The following FBXW10B variants were observed in gnomAD, a reference collection of about 807,000 sequenced individuals.
The protein encoded by FBXW10B is F-box and WD repeat domain containing 10B.
chr17:15,584,320 T>G, the FBXW10B span, among the ~76,000 whole-genome samples: 9 of 152,324 alleles, frequency 5.9e-5, no homozygotes, highest in Non-Finnish European at 1.3e-4. Flanking sequence ...CTGGGGAAAT[T>G]ATTAAGATAT....
At chr17:15,596,689 C>T in the FBXW10B span, 276 of 1,607,812 alleles carry the variant, frequency 1.7e-4, 1 homozygote, top group African/African-American at 3.6e-3. Flanking sequence ...CAGAGGAAGA[C>T]ATGGGAGTGG....
At chr17:15,596,583 G>C in the FBXW10B span, 1 of 1,611,746 alleles carries the variant, frequency 6.2e-7, no homozygotes, top group Non-Finnish European at 8.5e-7. Context: ...TCACAATGTA[G>C]GTATCATTGA....
At chr17:15,612,343 T>TAA in the FBXW10B span, among the ~76,000 whole-genome samples, 26 of 144,512 alleles carry the variant, frequency 1.8e-4, no homozygotes, top group African/African-American at 5.3e-4. Flanking sequence ...CCGCCTCTAC[T>TAA]AAAAAAAAAA....
chr17:15,595,078 A>C, the FBXW10B span: 3 of 358,684 alleles, frequency 8.4e-6, no homozygotes, highest in African/African-American at 6.7e-5. Context: ...GCGGTGGCTC[A>C]TGCCTGTAAT....
At chr17:15,584,870 C>A in the FBXW10B span, among the ~76,000 whole-genome samples, 1 of 152,168 alleles carries the variant, frequency 6.6e-6, no homozygotes, top group South Asian at 2.1e-4. Context: ...AAATTAAATT[C>A]ATGTGTGCTC....
At chr17:15,605,679 T>C in the FBXW10B span, among the ~76,000 whole-genome samples, 1 of 152,164 alleles carries the variant, frequency 6.6e-6, no homozygotes, top group Admixed American at 6.5e-5. Flanking sequence ...ATTCTGTAAA[T>C]GTATGCTAAA....
chr17:15,605,551 G>A, the FBXW10B span: 1 of 1,442,124 alleles, frequency 6.9e-7, no homozygotes, highest in Admixed American at 2.5e-5. Context: ...CAACAAGGGA[G>A]GCAGCAGAAG....
chr17:15,604,201 CCA>C, the FBXW10B span, among the ~76,000 whole-genome samples: 1 of 151,858 alleles, frequency 6.6e-6, no homozygotes, highest in African/African-American at 2.4e-5. Flanking sequence ...TTAATTACTG[CCA>C]CCTGCATCAT....
the FBXW10B span, chr17:15,619,480 G>A: frequency 1.2e-6 from 2 of 1,613,404 alleles, no homozygotes; most frequent in Non-Finnish European, 1.7e-6. Flanking sequence ...GAAAATAGGG[G>A]GCATTCTTGA....
the FBXW10B span, chr17:15,612,842 A>C: frequency 2.3e-5 from 37 of 1,603,548 alleles, no homozygotes; most frequent in Middle Eastern, 6.6e-4. Flanking sequence ...ACAAAAAAAA[A>C]CCAAAAATAA....
the FBXW10B span, among the ~76,000 whole-genome samples, chr17:15,608,316 C>G: frequency 4.0e-5 from 6 of 148,402 alleles, no homozygotes; most frequent in Non-Finnish European, 4.5e-5. Context: ...CGTGCACCAC[C>G]ATGCCCAGCT....
At chr17:15,583,590 C>A in the FBXW10B span, among the ~76,000 whole-genome samples, 33 of 150,176 alleles carry the variant, frequency 2.2e-4, no homozygotes, top group East Asian at 6.0e-3. Context: ...TGCTTTTAAG[C>A]CCACAGGAAG....
the FBXW10B span, among the ~76,000 whole-genome samples, chr17:15,582,793 G>C: frequency 8.5e-5 from 13 of 152,110 alleles, no homozygotes; most frequent in African/African-American, 2.9e-4. Flanking sequence ...CATGTCATTA[G>C]ACCAAAGAGC....
At chr17:15,610,426 C>T in the FBXW10B span, among the ~76,000 whole-genome samples, 2 of 152,156 alleles carry the variant, frequency 1.3e-5, no homozygotes, top group Non-Finnish European at 2.9e-5. Context: ...TCTGCAGCTG[C>T]AGGCATACCC....
chr17:15,613,512 G>A, the FBXW10B span: 7 of 905,216 alleles, frequency 7.7e-6, no homozygotes, highest in African/African-American at 1.5e-4. Context: ...ATGTAGAGGA[G>A]GAGGCCAGCT....
At chr17:15,614,351 A>G in the FBXW10B span, among the ~76,000 whole-genome samples, 23 of 150,844 alleles carry the variant, frequency 1.5e-4, no homozygotes, top group East Asian at 2.7e-3. Context: ...ACCACGCCCG[A>G]CTAATTTTTT....
the FBXW10B span, among the ~76,000 whole-genome samples, chr17:15,604,079 C>A: frequency 6.8e-4 from 83 of 121,812 alleles, no homozygotes; most frequent in African/African-American, 1.5e-3. Flanking sequence ...GACTCTATCT[C>A]AAAAAAAAAA....
chr17:15,588,677 T>G, the FBXW10B span: 3 of 619,646 alleles, frequency 4.8e-6, no homozygotes, highest in Non-Finnish European at 8.6e-6. Context: ...ACAAACATAT[T>G]CTTTCTTATT....
the FBXW10B span, among the ~76,000 whole-genome samples, chr17:15,601,839 G>A: frequency 3.8e-4 from 58 of 152,092 alleles, no homozygotes; most frequent in African/African-American, 1.0e-3. Flanking sequence ...GAGGCCGGGC[G>A]CGGTGGCTCA....
Sources: allele counts gnomAD v4.1 joint callset (sites outside exome capture counted in the v4.1 genomes callset), GRCh38; gene constraint gnomAD v4.1.1; transcripts MANE v1.5; gene names NCBI Gene and HGNC (gene_info 2026-07-23, HGNC 2026-07-21).